RALYL: variants seen among roughly 807,000 people sequenced by gnomAD.
The protein encoded by RALYL is RNA-binding Raly-like protein.
Under a neutral mutation model 35.1 loss-of-function variants are expected in RALYL, and 29 were observed. The ratio of observed to expected loss-of-function variants is 0.83; its 90% CI spans 0.61 to 1.13. RALYL has a LOEUF of 1.13. RALYL is among the 50% of genes most tolerant of loss of function. The probability of loss-of-function intolerance (pLI) is 0.00; values close to 1 mark genes in which losing one functional copy is unlikely to be tolerated. For synonymous variants in RALYL, 120 were observed against 127.6 expected (o/e 0.94, Z 0.40); for missense variants, 359 against 360.4 (o/e 1.00, Z 0.03).
At chr8:84,493,875 T>C (rs1484637664) in intron 1 of RALYL, among the ~76,000 whole-genome samples, 1 of 152,202 alleles carries the variant, frequency 6.6e-6, no homozygotes, top group East Asian at 1.9e-4. Context: ...CTGATGATAC[T>C]TTCTTTTGCT....
chr8:84,808,860 C>T (rs1190447292), intron 4 of RALYL, among the ~76,000 whole-genome samples: 1 of 152,048 alleles, frequency 6.6e-6, no homozygotes, highest in Non-Finnish European at 1.5e-5. Context: ...AATCTTGTAC[C>T]CAGAAACTTT....
intron 3 of RALYL, among the ~76,000 whole-genome samples, chr8:84,804,002 T>C (rs1286812557): frequency 6.6e-6 from 1 of 152,186 alleles, no homozygotes; most frequent in Admixed American, 6.5e-5. Context: ...CAGGTTTCCT[T>C]AATTATTATC....
chr8:84,282,655 A>G (rs1309234129), intron 1 of RALYL, among the ~76,000 whole-genome samples: 2 of 151,938 alleles, frequency 1.3e-5, no homozygotes, highest in African/African-American at 4.8e-5. Context: ...GGAGAATGCT[A>G]TGTTGATAAT....
At chr8:84,376,100 C>T (rs904863827) in intron 1 of RALYL, among the ~76,000 whole-genome samples, 2 of 151,828 alleles carry the variant, frequency 1.3e-5, no homozygotes, top group Admixed American at 1.3e-4. Flanking sequence ...GTAAAGGTGA[C>T]ACACCAAAGA....
At chr8:84,752,006 G>A (rs1319305601) in intron 2 of RALYL, among the ~76,000 whole-genome samples, 5 of 152,180 alleles carry the variant, frequency 3.3e-5, no homozygotes, top group Non-Finnish European at 4.4e-5. Context: ...GGTCGGAACA[G>A]ATTGGAGGGC....
chr8:84,289,673 A>G (rs555717930), intron 1 of RALYL, among the ~76,000 whole-genome samples: 1 of 152,300 alleles, frequency 6.6e-6, no homozygotes, highest in East Asian at 1.9e-4. Flanking sequence ...GAAGAATGAA[A>G]TATCTCACTT....
chr8:84,495,934 C>T (rs962346218), intron 1 of RALYL, among the ~76,000 whole-genome samples: 1 of 152,010 alleles, frequency 6.6e-6, no homozygotes, highest in African/African-American at 2.4e-5. Flanking sequence ...CACTTAACTA[C>T]TCACTGGCCA....
At chr8:84,377,901 C>T (rs1414829324) in intron 1 of RALYL, among the ~76,000 whole-genome samples, 2 of 151,754 alleles carry the variant, frequency 1.3e-5, no homozygotes, top group African/African-American at 4.8e-5. Flanking sequence ...TGTCAATGTT[C>T]ACCATCATGA....
chr8:84,468,443 C>G (rs2052092777), intron 1 of RALYL, among the ~76,000 whole-genome samples: 1 of 150,700 alleles, frequency 6.6e-6, no homozygotes, highest in Non-Finnish European at 1.5e-5. Context: ...GTTCAAAATT[C>G]TTTTCTTTAA....
chr8:84,329,397 G>A (rs993651056), intron 1 of RALYL, among the ~76,000 whole-genome samples: 1 of 152,058 alleles, frequency 6.6e-6, no homozygotes, highest in Non-Finnish European at 1.5e-5. Context: ...CCACTTGTAT[G>A]TCTTCTTTAG....
chr8:84,487,924 A>G (rs2054827863), intron 1 of RALYL, among the ~76,000 whole-genome samples: 1 of 152,108 alleles, frequency 6.6e-6, no homozygotes, highest in East Asian at 1.9e-4. Flanking sequence ...TACTGAGGCA[A>G]CAGTGTTTTT....
intron 1 of RALYL, among the ~76,000 whole-genome samples, chr8:84,301,184 C>A (rs73296703): frequency 0.013 from 1,915 of 152,052 alleles, 57 homozygotes; most frequent in African/African-American, 0.043. Flanking sequence ...AATTTCTTTT[C>A]TTTAAGAATG....
At chr8:84,858,942 T>C (rs1473119404) in intron 5 of RALYL, among the ~76,000 whole-genome samples, 1 of 152,186 alleles carries the variant, frequency 6.6e-6, no homozygotes, top group Non-Finnish European at 1.5e-5. Context: ...AATTAAAAAT[T>C]ATGCCCTCGT....
chr8:84,635,413 C>A (rs76486046), intron 2 of RALYL, among the ~76,000 whole-genome samples: 6 of 151,484 alleles, frequency 4.0e-5, no homozygotes, highest in Admixed American at 6.6e-5. Context: ...AGGCTTTTTG[C>A]TTTCTGGATA....
intron 2 of RALYL, among the ~76,000 whole-genome samples, chr8:84,699,014 A>G (rs908309628): frequency 7.1e-6 from 1 of 141,738 alleles, no homozygotes; most frequent in Non-Finnish European, 1.6e-5. Context: ...ACATAGATAG[A>G]TAGATAGATA....
chr8:84,499,053 A>G (rs938695441), intron 1 of RALYL, among the ~76,000 whole-genome samples: 8 of 151,810 alleles, frequency 5.3e-5, no homozygotes, highest in African/African-American at 1.9e-4. Context: ...TATAAGTAAA[A>G]GGTGAATGTA....
chr8:84,488,221 C>T (rs900437503), intron 1 of RALYL, among the ~76,000 whole-genome samples: 2 of 152,036 alleles, frequency 1.3e-5, no homozygotes, highest in African/African-American at 4.8e-5. Context: ...GTTGTATGAG[C>T]AGCTTCACCA....
Position 84,825,810 on chromosome 8 carries a change from G to C in RALYL, c.365+21008G>C, listed in dbSNP as rs557343865. Among the ~76,000 whole-genome samples the C allele has an allele frequency of 1.1e-4, 16 of 152,292 alleles. 1 individual carries two copies. The South Asian group carries it at 3.3e-3, about 32-fold the overall frequency. ...TTGAACCCAGGAAGCAGAGGTTGCA[G>C]TGAGTCAAGATTGTGCCACTGCACT... On this transcript the variant is annotated intron_variant, in intron 4 of 8. Coordinates refer to ENST00000521268, the MANE Select transcript of RALYL (RefSeq NM_173848.7).
At chr8:84,612,890 A>G (rs930293372) in intron 2 of RALYL, among the ~76,000 whole-genome samples, 1 of 151,690 alleles carries the variant, frequency 6.6e-6, no homozygotes, top group Admixed American at 6.6e-5. Flanking sequence ...GAAAAAAATC[A>G]CCACTGCATG....
Sources: gnomAD v4.1 joint callset for allele counts (sites outside exome capture counted in the v4.1 genomes callset) on GRCh38, gnomAD v4.1.1 for gene constraint, MANE v1.5 for transcripts, NCBI Gene and HGNC (gene_info 2026-07-23, HGNC 2026-07-21) for gene names.